The following CPED1 variants were observed in gnomAD, a reference collection of about 807,000 sequenced individuals.
The protein encoded by CPED1 is cadherin like and PC-esterase domain containing 1.
A neutral mutation model predicts 128.2 loss-of-function variants in CPED1; 114 were observed. That is an observed-to-expected ratio of 0.89 (90% CI 0.76 to 1.04). The LOEUF is 1.04. CPED1 is among the 50% of genes least tolerant of loss of function. CPED1 has a pLI of 0.00. For missense variants in CPED1, 1,211 were observed against 1,207.1 expected, an observed-to-expected ratio of 1.00 and a Z score of -0.05; for synonymous variants, 462 against 426.7, an observed-to-expected ratio of 1.08 and a Z score of -1.02.
chr7:120,995,398 T>A lies in CPED1; in HGVS notation c.249+5528T>A, dbSNP rs575923213. On this transcript the variant is annotated intron_variant, in intron 2 of 22. Transcript: ENST00000310396. Reference sequence around the variant, plus strand: ...TTATTCTGAAAAACTTGTGGTCTCTTTTCGAGTTCATTTCCTCTCTCTGAT... The same window carrying A: ...TTATTCTGAAAAACTTGTGGTCTCTATTCGAGTTCATTTCCTCTCTCTGAT... 2.6e-5 allele frequency among the ~76,000 whole-genome samples: 4 copies of A among 152,338 alleles called. No individual in the cohort carries two copies. The South Asian group carries it at 6.2e-4, about 24-fold the overall frequency.
chr7:121,043,538 T>C (rs1793113135), intron 3 of CPED1, among the ~76,000 whole-genome samples: 2 of 152,172 alleles, frequency 1.3e-5, no homozygotes, highest in South Asian at 4.1e-4. Flanking sequence ...TAAAAGCTAA[T>C]ACATGGAACA....
intron 3 of CPED1, among the ~76,000 whole-genome samples, chr7:121,033,189 T>C (rs916832923): frequency 3.3e-5 from 5 of 152,200 alleles, no homozygotes; most frequent in South Asian, 2.1e-4. Flanking sequence ...AAACCACTGC[T>C]GAGTGTCTGT....
chr7:121,052,695 A>G (rs948715588), intron 4 of CPED1, among the ~76,000 whole-genome samples: 1 of 152,112 alleles, frequency 6.6e-6, no homozygotes, highest in Non-Finnish European at 1.5e-5. Flanking sequence ...AGCGTCAGTT[A>G]TGCTGATATT....
intron 22 of CPED1, among the ~76,000 whole-genome samples, chr7:121,293,897 A>C (rs1286210977): frequency 6.6e-6 from 1 of 151,790 alleles, no homozygotes; most frequent in Admixed American, 6.6e-5. Context: ...TGCAGAAATC[A>C]CCTGCCTTCT....
Position 121,140,778 on chromosome 7 carries a change from T to A in CPED1, c.1700-49T>A, listed in dbSNP as rs561839068. On this transcript the variant is annotated intron_variant, in intron 14 of 22. Transcript: ENST00000310396. Reference sequence around the variant, plus strand: ...CCTAATCATATATTATTTAAAGATATTTACCCACTTCACAGTTGTCTTTGT... The same window carrying A: ...CCTAATCATATATTATTTAAAGATAATTACCCACTTCACAGTTGTCTTTGT... 9.9e-6 allele frequency: 13 copies of A among 1,310,160 alleles called. No homozygotes were observed. The Admixed American group carries it at 2.5e-4, about 25-fold the overall frequency. 81.2% of individuals were successfully genotyped at this position (1,310,160 alleles called of 1,614,324 possible).
At chr7:120,990,658 G>T (rs977284703) in intron 2 of CPED1, among the ~76,000 whole-genome samples, 5 of 152,048 alleles carry the variant, frequency 3.3e-5, no homozygotes, top group Non-Finnish European at 7.4e-5. Flanking sequence ...AAAAATCCAT[G>T]CAAAAAAGAT....
chr7:121,243,298 C>T (rs1798445269), intron 17 of CPED1, among the ~76,000 whole-genome samples: 1 of 151,868 alleles, frequency 6.6e-6, no homozygotes, highest in Non-Finnish European at 1.5e-5. Flanking sequence ...GTGCTATGTT[C>T]ACACTCAATT....
chr7:121,064,452 C>T (rs1793773343), intron 5 of CPED1, 139 bp downstream of exon 5: 1 of 613,646 alleles, frequency 1.6e-6, no homozygotes, highest in Admixed American at 2.6e-5. Flanking sequence ...TTCCGCAGTT[C>T]ACAACGCTTT....
At chr7:121,219,333 A>G (rs1797827769) in intron 16 of CPED1, among the ~76,000 whole-genome samples, 1 of 151,978 alleles carries the variant, frequency 6.6e-6, no homozygotes, top group Admixed American at 6.6e-5. Context: ...ATACACTTCT[A>G]AATGGAGAAT....
chr7:121,166,932 G>A (rs1179413127), intron 16 of CPED1, among the ~76,000 whole-genome samples: 1 of 152,138 alleles, frequency 6.6e-6, no homozygotes, highest in Non-Finnish European at 1.5e-5. Context: ...GAGTGCGTCT[G>A]GTGTTTGAGC....
intron 18 of CPED1, chr7:121,262,027 T>A: frequency 3.1e-6 from 1 of 324,192 alleles, no homozygotes; most frequent in Non-Finnish European, 5.8e-6. Context: ...GATGGATCCT[T>A]CATGAATAGC....
At chr7:121,024,408 G>A (rs1205993519) in intron 3 of CPED1, among the ~76,000 whole-genome samples, 2 of 152,050 alleles carry the variant, frequency 1.3e-5, no homozygotes, top group South Asian at 2.1e-4. Context: ...TCCTTAAATG[G>A]GTTAGCTCTT....
At chr7:121,131,120 T>C (rs1795654723) in intron 12 of CPED1, among the ~76,000 whole-genome samples, 2 of 152,132 alleles carry the variant, frequency 1.3e-5, no homozygotes, top group Admixed American at 6.6e-5. Context: ...CCCTAGGCCA[T>C]GGCTTCAGCT....
intron 3 of CPED1, among the ~76,000 whole-genome samples, chr7:121,018,003 T>A (rs764423545): frequency 3.3e-4 from 51 of 152,318 alleles, no homozygotes; most frequent in Non-Finnish European, 5.7e-4. Context: ...CTGTGTATAA[T>A]AAGATATTAT....
At chr7:121,062,351 T>TA (rs144215318) in intron 4 of CPED1, among the ~76,000 whole-genome samples, 27,479 of 152,130 alleles carry the variant, frequency 0.18, 3,081 homozygotes, top group Middle Eastern at 0.26. Context: ...TTTGTGAACT[T>TA]AAAAAACAAA....
In CPED1 at chr7:121,116,977, T is replaced by TACACAC. The variant is rs71170227; in HGVS notation, c.919-7344_919-7339dup. ...CTCTCTCTCTCTATATATATATATATACACACACACACACATATATATACA... is the reference window on the plus strand; with the variant it reads ...CTCTCTCTCTCTATATATATATATATACACACACACACACACACACATATATATACA... On this transcript the variant is annotated intron_variant, in intron 7 of 22. Transcript: ENST00000310396. Among the ~76,000 whole-genome samples the TACACAC allele has an allele frequency of 2.6e-3, 318 of 121,670 alleles. 1 individual carries two copies. The highest frequency in any genetic ancestry group is 0.01 in the African/African-American group (281 of 27,582). The allele number at this position is 121,670 out of a possible 152,430, so 79.8% of individuals were successfully genotyped here.
intron 16 of CPED1, among the ~76,000 whole-genome samples, chr7:121,143,559 G>A (rs1473973378): frequency 2.6e-5 from 4 of 151,816 alleles, no homozygotes; most frequent in Non-Finnish European, 5.9e-5. Context: ...CTGAATTGAA[G>A]AACAAATAAT....
chr7:121,129,300 TA>T (rs1795594409), intron 11 of CPED1, among the ~76,000 whole-genome samples: 1 of 6,412 alleles, frequency 1.6e-4, no homozygotes, highest in African/African-American at 2.2e-4. Flanking sequence ...TATATATATA[TA>T]TATATATATA....
At chr7:121,000,839 T>C (rs1791833181) in intron 2 of CPED1, among the ~76,000 whole-genome samples, 1 of 152,174 alleles carries the variant, frequency 6.6e-6, no homozygotes, top group African/African-American at 2.4e-5. Context: ...GGACAACTGG[T>C]AAATTTTATC....
Sources: allele counts gnomAD v4.1 joint callset (sites outside exome capture counted in the v4.1 genomes callset), GRCh38; gene constraint gnomAD v4.1.1; transcripts MANE v1.5; gene names NCBI Gene and HGNC (gene_info 2026-07-23, HGNC 2026-07-21).